Variants in TMEM245 observed in about 807,000 individuals in gnomAD.
TMEM245 encodes transmembrane protein 245.
TMEM245 carries 69 observed loss-of-function variants against 101.2 expected under a neutral mutation model. The ratio of observed to expected loss-of-function variants is 0.68; its 90% confidence interval spans 0.56 to 0.83. TMEM245 has a LOEUF of 0.83. TMEM245 is among the 40% of genes least tolerant of loss of function. The pLI, the probability that TMEM245 is intolerant of heterozygous loss-of-function variation, is 0.00. For synonymous variants in TMEM245, 537 were observed against 449.8 expected (o/e 1.19, Z -2.45); for missense variants, 1,075 against 1,092.8 (o/e 0.98, Z 0.23).
intron 9 of TMEM245, among the ~76,000 whole-genome samples, chr9:109,067,372 C>T (rs1588047909): frequency 6.6e-6 from 1 of 152,140 alleles, no homozygotes; most frequent in East Asian, 1.9e-4. Flanking sequence ...AGATTCACTG[C>T]CTCAGCCTAT....
Position 109,020,522 on chromosome 9 carries a change from C to T in TMEM245, c.2595-17G>A, listed in dbSNP as rs746639912. The T allele has an allele frequency of 2.5e-6, 4 of 1,610,928 alleles. No homozygotes were observed. Among genetic ancestry groups the T allele is most frequent in the Non-Finnish European group, 1.7e-6 (2 of 1,177,362 alleles). On this transcript the variant is annotated splice_polypyrimidine_tract_variant and intron_variant, in intron 17 of 17. Coordinates refer to ENST00000374586, the MANE Select transcript of TMEM245 (RefSeq NM_032012.4). ...CGGAAAGTCCTAAAAGAAAAAAAGA[C>T]GGAATGATTAGTTGATTACCATAAA...
intron 7 of TMEM245, among the ~76,000 whole-genome samples, chr9:109,082,982 G>A (rs541113596): frequency 3.4e-4 from 52 of 152,136 alleles, no homozygotes; most frequent in African/African-American, 8.9e-4. Flanking sequence ...TGTTGTTTTC[G>A]TCACATGTGG....
chr9:109,092,758 T>C (rs1830041136), intron 4 of TMEM245, among the ~76,000 whole-genome samples: 1 of 152,174 alleles, frequency 6.6e-6, no homozygotes, highest in African/African-American at 2.4e-5. Flanking sequence ...AGGTGGCCTT[T>C]TACATTCTGG....
intron 3 of TMEM245, among the ~76,000 whole-genome samples, chr9:109,095,124 T>C (rs1443755424): frequency 6.6e-6 from 1 of 152,178 alleles, no homozygotes; most frequent in Non-Finnish European, 1.5e-5. Context: ...TCTCTCAATA[T>C]GAGAGAAATT....
rs887763575 is a variant in TMEM245 at position 109,020,290 on chromosome 9, C to G, written c.*170G>C. On this transcript the variant is annotated 3_prime_UTR_variant, in exon 18 of 18. Coordinates refer to ENST00000374586, the MANE Select transcript of TMEM245 (RefSeq NM_032012.4). Reference sequence around the variant, plus strand: ...CTGTGTTTTAAAATACAAAGCAGCCCGCAGCAAGTTCTCTCTTGTCCAGGC... The same window carrying G: ...CTGTGTTTTAAAATACAAAGCAGCCGGCAGCAAGTTCTCTCTTGTCCAGGC... The G allele has an allele frequency of 1.4e-6, 1 of 727,026 alleles. No homozygotes were observed. The highest frequency in any genetic ancestry group is 1.5e-5 in the South Asian group (1 of 67,986). The allele number at this position is 727,026 out of a possible 1,614,324, so 45.0% of individuals were successfully genotyped here.
intron 11 of TMEM245, among the ~76,000 whole-genome samples, chr9:109,058,143 G>C (rs1040690189): frequency 6.6e-6 from 1 of 151,274 alleles, no homozygotes; most frequent in Non-Finnish European, 1.5e-5. Flanking sequence ...TGTGACTACG[G>C]GCGCCTGCCA....
intron 4 of TMEM245, among the ~76,000 whole-genome samples, chr9:109,091,884 A>G (rs544998122): frequency 2.0e-5 from 3 of 152,322 alleles, no homozygotes; most frequent in East Asian, 3.9e-4. Flanking sequence ...TATATATACT[A>G]TAATAATGAA....
At chr9:109,062,880 G>GGATC (rs1287842538) in intron 10 of TMEM245, among the ~76,000 whole-genome samples, 4 of 152,000 alleles carry the variant, frequency 2.6e-5, no homozygotes, top group Admixed American at 6.6e-5. Context: ...TGAAGTGGTA[G>GGATC]GATCACTTGA....
chr9:109,056,439 G>GAAAA (rs1828838452), intron 12 of TMEM245, among the ~76,000 whole-genome samples: 1 of 30,154 alleles, frequency 3.3e-5, no homozygotes, highest in African/African-American at 2.4e-4. Flanking sequence ...TACTAAAAAT[G>GAAAA]CAAAAAAAAA....
intron 3 of TMEM245, among the ~76,000 whole-genome samples, chr9:109,100,834 T>A (rs1284688069): frequency 6.6e-6 from 1 of 152,212 alleles, no homozygotes; most frequent in East Asian, 1.9e-4. Context: ...TAAAAGCACT[T>A]GAAAGTTCTT....
chr9:109,097,409 G>C (rs536728262), intron 3 of TMEM245, among the ~76,000 whole-genome samples: 1 of 152,304 alleles, frequency 6.6e-6, no homozygotes, highest in African/African-American at 2.4e-5. Context: ...CCAGGGCATA[G>C]AAGGTCTCAC....
At chr9:109,037,966 G>T in intron 15 of TMEM245, 51 bp downstream of exon 15, 1 of 1,430,780 alleles carries the variant, frequency 7.0e-7, no homozygotes, top group Non-Finnish European at 9.4e-7. Flanking sequence ...ATGTAAAATG[G>T]CTTAACTTTC....
At chr9:109,076,778 C>T (rs966410713) in intron 8 of TMEM245, among the ~76,000 whole-genome samples, 1 of 152,204 alleles carries the variant, frequency 6.6e-6, no homozygotes, top group East Asian at 1.9e-4. Flanking sequence ...ACAGTCTCCA[C>T]CTCCAAGGCT....
intron 1 of TMEM245, among the ~76,000 whole-genome samples, chr9:109,117,411 C>G (rs1318198239): frequency 6.6e-6 from 1 of 152,176 alleles, no homozygotes; most frequent in Non-Finnish European, 1.5e-5. Context: ...AGCCACCGCG[C>G]CCGGCCAATT....
chr9:109,032,367 T>TTTTTA (rs1168120228), intron 17 of TMEM245, among the ~76,000 whole-genome samples: 6 of 23,418 alleles, frequency 2.6e-4, no homozygotes, highest in African/African-American at 1.7e-3. Context: ...TTCTTTTCCT[T>TTTTTA]TTTTTTTTTT....
At chr9:109,104,122 G>C (rs1306953052) in intron 3 of TMEM245, among the ~76,000 whole-genome samples, 1 of 151,878 alleles carries the variant, frequency 6.6e-6, no homozygotes, top group Admixed American at 6.6e-5. Flanking sequence ...GTAAGACCTA[G>C]TATTTGATAG....
chr9:109,107,439 A>G (rs1398994352), intron 2 of TMEM245, among the ~76,000 whole-genome samples: 2 of 150,618 alleles, frequency 1.3e-5, no homozygotes, highest in African/African-American at 4.9e-5. Context: ...ACCAAGAAAC[A>G]GGTCCCTACC....
chr9:109,119,076 G>A (rs1830813347), intron 1 of TMEM245, among the ~76,000 whole-genome samples: 1 of 152,224 alleles, frequency 6.6e-6, no homozygotes, highest in African/African-American at 2.4e-5. Flanking sequence ...CTCAATCCAG[G>A]GCACTGTCCC....
chr9:109,064,488 T>C lies in TMEM245; in HGVS notation c.1612A>G (p.Ile538Val), dbSNP rs1829105211. ...NNVYQYGREW[I>V]THKLHKILGD... ...GTTTCTTCCCTTACCTTGTGAGTTA[T>C]CCATTCTCGTCCATACTGATACACG... The change falls in exon 10 of 18, where the codon ATA becomes GTA. Residue 538 changes from isoleucine to valine, a missense_variant. This residue lies in a region of TMEM245 where 808 missense variants were observed against 741.5 expected (regional missense o/e 1.09). Coordinates refer to ENST00000374586, the MANE Select transcript of TMEM245 (RefSeq NM_032012.4). 1 of 1,613,256 alleles carries C rather than the reference T, an allele frequency of 6.2e-7. No individual in the cohort carries two copies. Among genetic ancestry groups the C allele is most frequent in the Non-Finnish European group, 8.5e-7 (1 of 1,179,460 alleles).
Sources: gnomAD v4.1 joint callset for allele counts (sites outside exome capture counted in the v4.1 genomes callset) on GRCh38, gnomAD v4.1.1 for gene constraint, gnomAD v4.1.1 regional missense constraint, MANE v1.5 for transcripts, NCBI Gene and HGNC (gene_info 2026-07-23, HGNC 2026-07-21) for gene names.